Variants in PPARGC1A observed in about 807,000 individuals in gnomAD.
PPARGC1A encodes the protein peroxisome proliferator-activated receptor gamma coactivator 1-alpha.
PPARGC1A carries 25 observed loss-of-function variants against 88.7 expected under a neutral mutation model. That is an observed-to-expected ratio of 0.28 (90% CI 0.21 to 0.39). PPARGC1A has a LOEUF of 0.39. Ranked by LOEUF, PPARGC1A falls within the 10% of genes least tolerant of loss-of-function variation. PPARGC1A has a pLI of 1.00. For synonymous variants in PPARGC1A, 363 were observed against 355.6 expected (o/e 1.02, Z -0.24); for missense variants, 880 against 968.7 (o/e 0.91, Z 1.22).
At chr4:24,226,049 T>G in the PPARGC1A span, among the ~76,000 whole-genome samples, 1 of 152,146 alleles carries the variant, frequency 6.6e-6, no homozygotes, top group African/African-American at 2.4e-5. Flanking sequence ...GAGAGCTGTT[T>G]CCACGCGCTC....
chr4:23,865,283 T>C (rs760705225), intron 2 of PPARGC1A, among the ~76,000 whole-genome samples: 1 of 152,152 alleles, frequency 6.6e-6, no homozygotes, highest in African/African-American at 2.4e-5. Flanking sequence ...CTGGCCAGCG[T>C]TTCTGAGGAT....
At chr4:24,042,411 C>A in the PPARGC1A span, among the ~76,000 whole-genome samples, 3 of 152,196 alleles carry the variant, frequency 2.0e-5, no homozygotes, top group African/African-American at 4.8e-5. Context: ...TGAAAGAAAG[C>A]AAGCAAGCTG....
the PPARGC1A span, among the ~76,000 whole-genome samples, chr4:24,011,773 C>G: frequency 6.6e-6 from 1 of 152,166 alleles, no homozygotes; most frequent in Non-Finnish European, 1.5e-5. Context: ...CTGTGGCAAC[C>G]TATACCTTTT....
chr4:23,827,084 A>T (rs1468313194), intron 5 of PPARGC1A, among the ~76,000 whole-genome samples: 1 of 152,076 alleles, frequency 6.6e-6, no homozygotes, highest in African/African-American at 2.4e-5. Context: ...TCCAGGAAAA[A>T]CTGTTCTAGT....
At chr4:24,136,504 G>A in the PPARGC1A span, among the ~76,000 whole-genome samples, 4 of 152,238 alleles carry the variant, frequency 2.6e-5, no homozygotes, top group East Asian at 1.9e-4. Context: ...CAAGAATAGC[G>A]CTTGGAAATG....
chr4:24,316,373 C>T, the PPARGC1A span, among the ~76,000 whole-genome samples: 8 of 152,342 alleles, frequency 5.3e-5, no homozygotes, highest in East Asian at 1.5e-3. Context: ...ACTCCATTAG[C>T]ACAATGTCCA....
the PPARGC1A span, among the ~76,000 whole-genome samples, chr4:24,157,249 T>G: frequency 6.6e-6 from 1 of 152,204 alleles, no homozygotes; most frequent in Non-Finnish European, 1.5e-5. Flanking sequence ...CAGGCCATCA[T>G]GGGTCAACTG....
chr4:24,006,714 T>C, the PPARGC1A span, among the ~76,000 whole-genome samples: 6 of 152,112 alleles, frequency 3.9e-5, no homozygotes, highest in African/African-American at 1.4e-4. Context: ...GCCCAATTGC[T>C]TGAAAATTGA....
chr4:24,114,045 A>C, the PPARGC1A span, among the ~76,000 whole-genome samples: 2 of 147,206 alleles, frequency 1.4e-5, no homozygotes, highest in African/African-American at 2.5e-5. Flanking sequence ...AATCTCTTGA[A>C]CCCAGGAGGT....
chr4:23,813,030 C>G lies in PPARGC1A; in HGVS notation c.1889G>C (p.Arg630Pro), dbSNP rs372413128. The change falls in exon 9 of 13, where the codon CGT becomes CCT. Residue 630 changes from arginine to proline, a missense_variant. Arg to Pro is a moderately radical substitution (Grantham distance 103). Transcript: ENST00000264867. The part of the protein sequence containing the change: ...VRSRSRSPYS[R>P]RPRYDSYEEY... ...TGACATGCCTCATTACCTGGGCCGA[C>G]GGCTGTAGGGCGATCTTGAACGTGA... is the stretch of plus-strand genomic sequence containing the variant. The G allele has an allele frequency of 1.9e-6, 3 of 1,613,790 alleles. No homozygotes were observed. The highest frequency in any genetic ancestry group is 4.5e-5 in the East Asian group (2 of 44,882).
chr4:24,120,796 T>C, the PPARGC1A span, among the ~76,000 whole-genome samples: 5 of 152,128 alleles, frequency 3.3e-5, no homozygotes, highest in South Asian at 2.1e-4. Flanking sequence ...TGAGTGTCTA[T>C]GAGCTAGAAA....
the PPARGC1A span, among the ~76,000 whole-genome samples, chr4:24,209,175 T>C: frequency 1.3e-5 from 2 of 152,170 alleles, no homozygotes; most frequent in African/African-American, 4.8e-5. Flanking sequence ...TAGACCTCCG[T>C]TCTGGTTGGC....
the PPARGC1A span, among the ~76,000 whole-genome samples, chr4:23,910,186 A>G: frequency 8.4e-6 from 1 of 118,840 alleles, no homozygotes; most frequent in Non-Finnish European, 1.6e-5. Context: ...ATAAATATAT[A>G]TAAAATATAT....
chr4:24,211,984 T>C, the PPARGC1A span, among the ~76,000 whole-genome samples: 1 of 152,192 alleles, frequency 6.6e-6, no homozygotes, highest in East Asian at 1.9e-4. Context: ...TCCTCGTCTA[T>C]TGGCTCACCG....
chr4:24,099,960 G>A, the PPARGC1A span, among the ~76,000 whole-genome samples: 315 of 140,858 alleles, frequency 2.2e-3, 1 homozygote, highest in African/African-American at 8.0e-3. Flanking sequence ...ATCACACACC[G>A]GGGGCCTGTT....
chr4:23,887,400 C>CAA (rs1350004476), intron 1 of PPARGC1A, among the ~76,000 whole-genome samples: 1 of 152,156 alleles, frequency 6.6e-6, no homozygotes, highest in Non-Finnish European at 1.5e-5. Context: ...CTTAACAGTC[C>CAA]AAGCCCTGTA....
chr4:23,977,630 C>T, the PPARGC1A span, among the ~76,000 whole-genome samples: 7 of 152,210 alleles, frequency 4.6e-5, no homozygotes, highest in African/African-American at 1.4e-4. Context: ...CCACGGCACA[C>T]GTTTACCTAT....
At chr4:24,447,129 G>A in the PPARGC1A span, among the ~76,000 whole-genome samples, 2 of 152,242 alleles carry the variant, frequency 1.3e-5, no homozygotes, top group East Asian at 3.9e-4. Flanking sequence ...AGCCCCAACA[G>A]AGCCTTCTCC....
At chr4:24,141,597 T>TC in the PPARGC1A span, among the ~76,000 whole-genome samples, 1 of 152,020 alleles carries the variant, frequency 6.6e-6, no homozygotes, top group African/African-American at 2.4e-5. Context: ...GGTGCATGCT[T>TC]CCCCCCTTCC....
Sources: gnomAD v4.1 joint callset for allele counts (sites outside exome capture counted in the v4.1 genomes callset) on GRCh38, gnomAD v4.1.1 for gene constraint, MANE v1.5 for transcripts, NCBI Gene and HGNC (gene_info 2026-07-23, HGNC 2026-07-21) for gene names.